The following CDH23 variants were observed in gnomAD, a reference collection of about 807,000 sequenced individuals.
CDH23 encodes the protein cadherin related 23, also known as cadherin-23.
CDH23 carries 189 observed loss-of-function variants against 317.1 expected under a neutral mutation model. That is an observed-to-expected ratio of 0.60 (90% CI 0.53 to 0.67). CDH23 has a LOEUF of 0.67. Ranked by LOEUF, CDH23 falls within the 30% of genes least tolerant of loss-of-function variation. The pLI, the probability that CDH23 is intolerant of heterozygous loss-of-function variation, is 0.00. For missense variants in CDH23, 4,401 were observed against 4,592.4 expected (o/e 0.96, Z 1.20); for synonymous variants, 1,839 against 1,876.8 (o/e 0.98, Z 0.52).
intron 37 of CDH23, 73 bp from the exon 38 acceptor site, chr10:71,741,621 C>A: frequency 2.2e-6 from 3 of 1,348,012 alleles, no homozygotes; most frequent in Non-Finnish European, 2.1e-6. Context: ...AGCCTTCGGG[C>A]TACAGGAGCA....
intron 38 of CDH23, chr10:71,755,242 C>G (rs1282781752): frequency 2.0e-6 from 2 of 978,900 alleles, no homozygotes; most frequent in East Asian, 2.7e-5. Context: ...GCTCCCAACT[C>G]TCAAATGAAA....
intron 9 of CDH23, among the ~76,000 whole-genome samples, chr10:71,584,038 T>C (rs1858853943): frequency 6.6e-6 from 1 of 152,042 alleles, no homozygotes; most frequent in Non-Finnish European, 1.5e-5. Flanking sequence ...AATCAGAAAC[T>C]CTGTGGGTGC....
At position 71,488,836 on chromosome 10, in the gene CDH23, G is replaced by T. The variant is rs138779130; in HGVS notation, c.146-21246G>T. Among the ~76,000 whole-genome samples the T allele has an allele frequency of 6.7e-3, 1,014 of 152,228 alleles. 11 individuals are homozygous for T. Among genetic ancestry groups the T allele is most frequent in the African/African-American group, 0.019 (790 of 41,542 alleles). ...GTCTGTATCATTCTTGTTCTTAAAA[G>T]ATATTTTTGCTTAATATGGAATTCT... On this transcript the variant is annotated intron_variant, in intron 3 of 69. Transcript: ENST00000224721.
rs545606769 is a variant in CDH23 at position 71,560,028 on chromosome 10, G to A, written c.430-6714G>A. ...CTCTGTGTGGACCTCGTCCTCCTGC[G>A]CTCAAGTGCCTTCCTGCCTATTTGA... On this transcript the variant is annotated intron_variant, in intron 6 of 69. Coordinates refer to ENST00000224721, the MANE Select transcript of CDH23 (RefSeq NM_022124.6). Among the ~76,000 whole-genome samples, 3 of 152,184 alleles carry A rather than the reference G, an allele frequency of 2.0e-5. No homozygotes were observed. In the South Asian group the frequency reaches 6.2e-4, roughly 32 times the overall value.
rs1217939613 is a variant in CDH23 at position 71,719,242 on chromosome 10, C to A, written c.3370-4803C>A. Among the ~76,000 whole-genome samples the A allele has an allele frequency of 2.6e-5, 4 of 152,314 alleles. No individual in the cohort carries two copies. The East Asian group carries it at 5.8e-4, about 22-fold the overall frequency. On this transcript the variant is annotated intron_variant, in intron 28 of 69. Transcript: ENST00000224721. ...CCCTTGACACCCGGCTACTGACCAA[C>A]CAGCAAAGGCCAGCTAGTACTGGGA...
intron 9 of CDH23, among the ~76,000 whole-genome samples, chr10:71,610,434 G>A (rs1860806346): frequency 6.6e-6 from 1 of 152,218 alleles, no homozygotes; most frequent in African/African-American, 2.4e-5. Flanking sequence ...GCACAAATGT[G>A]TGGAAGGCGA....
At position 71,653,285 on chromosome 10, in the gene CDH23, G is replaced by C. The variant is rs529955450; in HGVS notation, c.1449+6668G>C. On this transcript the variant is annotated intron_variant, in intron 14 of 69. Transcript: ENST00000224721. Reference sequence around the variant, plus strand: ...AAGGTGGGTATGATGTCATTGCCCTGGGCTGGCCGTGTTGAAGGCAAGCTT... The same window carrying C: ...AAGGTGGGTATGATGTCATTGCCCTCGGCTGGCCGTGTTGAAGGCAAGCTT... Among the ~76,000 whole-genome samples, 4 of 152,316 alleles carry C rather than the reference G, an allele frequency of 2.6e-5. No homozygotes were observed. In the South Asian group the frequency reaches 8.3e-4, roughly 32 times the overall value.
chr10:71,527,806 CA>C, intron 6 of CDH23, among the ~76,000 whole-genome samples: 1 of 152,196 alleles, frequency 6.6e-6, no homozygotes, highest in African/African-American at 2.4e-5. Flanking sequence ...GCACATGAAG[CA>C]CTTAGGAACA....
At chr10:71,504,113 G>C (rs1476162546) in intron 3 of CDH23, among the ~76,000 whole-genome samples, 2 of 151,862 alleles carry the variant, frequency 1.3e-5, no homozygotes, top group African/African-American at 4.8e-5. Context: ...GTATAGTTTA[G>C]TAGTGTTAAG....
chr10:71,519,582 G>A (rs995160688), intron 6 of CDH23, among the ~76,000 whole-genome samples: 2 of 152,292 alleles, frequency 1.3e-5, no homozygotes. Context: ...GCATTGTGAT[G>A]GGGCTGTGCA....
At chr10:71,658,089 G>A (rs1304825450) in intron 14 of CDH23, among the ~76,000 whole-genome samples, 5 of 152,254 alleles carry the variant, frequency 3.3e-5, no homozygotes, top group Non-Finnish European at 5.9e-5. Context: ...GAGGGGCTGG[G>A]GTGGGAGCTG....
At chr10:71,459,860 C>CCTG (rs1850893060) in intron 3 of CDH23, among the ~76,000 whole-genome samples, 1 of 152,310 alleles carries the variant, frequency 6.6e-6, no homozygotes, top group South Asian at 2.1e-4. Context: ...CCAGGGTCTG[C>CCTG]AGGGCTTTCC....
chr10:71,611,100 A>C (rs1352255092), intron 9 of CDH23, among the ~76,000 whole-genome samples: 1 of 139,398 alleles, frequency 7.2e-6, no homozygotes, highest in Non-Finnish European at 1.5e-5. Flanking sequence ...TGGATGAAGA[A>C]TGTCTGGGAG....
chr10:71,688,872 A>G (rs373557377), intron 19 of CDH23, among the ~76,000 whole-genome samples: 51 of 57,494 alleles, frequency 8.9e-4, no homozygotes, highest in South Asian at 2.2e-3. Context: ...GGAGTCAGGG[A>G]TGATGGAGCC....
chr10:71,614,158 C>A (rs965303552), intron 9 of CDH23, among the ~76,000 whole-genome samples: 16 of 152,174 alleles, frequency 1.1e-4, no homozygotes. Context: ...TGTAAACAGC[C>A]CCTCCCTGCT....
chr10:71,717,280 C>T (rs1183732737), intron 28 of CDH23: 1 of 152,142 alleles, frequency 6.6e-6, no homozygotes, highest in African/African-American at 2.4e-5. Context: ...AGGCCAAGGC[C>T]ACATTGTGAG....
chr10:71,751,777 C>T lies in CDH23; in HGVS notation c.4845+9856C>T, dbSNP rs749432318. 1.2e-6 allele frequency: 2 copies of T among 1,602,112 alleles called. No homozygotes were observed. Among genetic ancestry groups the T allele is most frequent in the South Asian group, 1.1e-5 (1 of 90,018 alleles). On this transcript the variant is annotated intron_variant, in intron 38 of 69. Coordinates refer to ENST00000224721, the MANE Select transcript of CDH23 (RefSeq NM_022124.6). This position sits in a 1 kb window ranked among gnomAD's most constrained non-coding sequence, Gnocchi z 4.9. Reference sequence around the variant, plus strand: ...AAGGCTGCCGCTGGGCCACATAGGACAGGGGGTGCCTGACTTTGGCCTCGG... The same window carrying T: ...AAGGCTGCCGCTGGGCCACATAGGATAGGGGGTGCCTGACTTTGGCCTCGG...
chr10:71,408,048 G>T (rs911803403), intron 1 of CDH23, among the ~76,000 whole-genome samples: 2 of 152,138 alleles, frequency 1.3e-5, no homozygotes, highest in African/African-American at 4.8e-5. Flanking sequence ...AAGTATTAAT[G>T]ACTTGAATTA....
At position 71,812,011 on chromosome 10, in the gene CDH23, G is replaced by C; in HGVS notation, c.9376G>C (p.Asp3126His). Residue 3126 changes from aspartate to histidine, a missense_variant, in exon 66 of 70, where the codon GAT (aspartate) becomes CAT (histidine). Physicochemically the swap from Asp to His is moderately conservative, Grantham distance 81. This residue lies in a region of CDH23 where 1,144 missense variants were observed against 1,138.2 expected (regional missense o/e 1.01). Coordinates refer to ENST00000224721, the MANE Select transcript of CDH23 (RefSeq NM_022124.6). The part of the protein sequence containing the change: ...DMPNTNKYSF[D>H]GANPVWLDPF... ...GCCTAACACCAACAAGTACTCCTTT[G>C]ATGGGTGAGTGGGGTACTGGCCCTG... The C allele has an allele frequency of 6.2e-7, 1 of 1,612,302 alleles. No homozygotes were observed. The highest frequency in any genetic ancestry group is 8.5e-7 in the Non-Finnish European group (1 of 1,179,258).
Sources: allele counts gnomAD v4.1 joint callset (sites outside exome capture counted in the v4.1 genomes callset), GRCh38; gene constraint gnomAD v4.1.1; regional missense constraint gnomAD v4.1.1; non-coding constraint Gnocchi (gnomAD v3.1); transcripts MANE v1.5; gene names NCBI Gene and HGNC (gene_info 2026-07-23, HGNC 2026-07-21).